The following ATP11A variants were observed in gnomAD, a reference collection of about 807,000 sequenced individuals.
The protein encoded by ATP11A is phospholipid-transporting ATPase IH.
A neutral mutation model predicts 154.4 loss-of-function variants in ATP11A; 81 were observed. That is an observed-to-expected ratio of 0.52 (90% CI 0.44 to 0.63). The LOEUF is 0.63. Ranked by LOEUF, ATP11A falls within the 30% of genes least tolerant of loss-of-function variation. The pLI is 0.00. For synonymous variants in ATP11A, 623 were observed against 585.9 expected (o/e 1.06, Z -0.91); for missense variants, 1,316 against 1,474.3 (o/e 0.89, Z 1.76).
intron 5 of ATP11A, chr13:112,811,474 A>G (rs571059645): frequency 6.6e-6 from 1 of 152,358 alleles, no homozygotes; most frequent in Admixed American, 6.5e-5. Context: ...GAAAGATTGG[A>G]AACACTGTTT....
Position 112,807,512 on chromosome 13 carries a change from G to T in ATP11A, c.333+1219G>T, listed in dbSNP as rs75260839. On this transcript the variant is annotated intron_variant, in intron 4 of 29. Coordinates refer to ENST00000375645, the MANE Select transcript of ATP11A (RefSeq NM_015205.3). The surrounding 1 kb of genome is among the most constrained non-coding windows in gnomAD (Gnocchi z 4.5). Reference sequence around the variant, plus strand: ...AGAACAGAACATGAGGGAGACTCACGCTTCCCAAGGACGCGCTGCCTGTGA... The same window carrying T: ...AGAACAGAACATGAGGGAGACTCACTCTTCCCAAGGACGCGCTGCCTGTGA... Among the ~76,000 whole-genome samples, 2 of 152,288 alleles carry T rather than the reference G, an allele frequency of 1.3e-5. No individual in the cohort carries two copies. Among genetic ancestry groups the T allele is most frequent in the East Asian group, 3.9e-4 (2 of 5,176 alleles).
rs898918005 is a variant in ATP11A at position 112,754,204 on chromosome 13, G to A, written c.40-30931G>A. Among the ~76,000 whole-genome samples the A allele has an allele frequency of 5.3e-5, 8 of 152,198 alleles. No individual in the cohort carries two copies. Among genetic ancestry groups the A allele is most frequent in the Non-Finnish European group, 8.8e-5 (6 of 68,034 alleles). On this transcript the variant is annotated intron_variant, in intron 1 of 29. Transcript: ENST00000375645. This position sits in a 1 kb window ranked among gnomAD's most constrained non-coding sequence, Gnocchi z 5.3. Reference sequence around the variant, plus strand: ...TGGGGTCTGGGAAATTCGTTTTCTCGCAGAAGGCAGAGAAGGCCGTGGAAT... The same window carrying A: ...TGGGGTCTGGGAAATTCGTTTTCTCACAGAAGGCAGAGAAGGCCGTGGAAT...
intron 15 of ATP11A, among the ~76,000 whole-genome samples, chr13:112,835,884 G>A (rs538436897): frequency 7.2e-5 from 11 of 152,356 alleles, no homozygotes; most frequent in Admixed American, 2.6e-4. Context: ...CGTAGGGAAC[G>A]CAGCCTGCTT....
intron 25 of ATP11A, among the ~76,000 whole-genome samples, chr13:112,864,716 A>G (rs2080258826): frequency 1.4e-5 from 1 of 68,978 alleles, no homozygotes; most frequent in Non-Finnish European, 2.4e-5. Context: ...GCAGTAATTC[A>G]GTGCAGCACG....
intron 2 of ATP11A, among the ~76,000 whole-genome samples, chr13:112,802,807 A>G (rs1426138310): frequency 6.6e-6 from 1 of 152,224 alleles, no homozygotes. Context: ...GCTTTGCAAA[A>G]TACAGTTAAG....
intron 29 of ATP11A, chr13:112,880,712 A>G: frequency 3.2e-6 from 4 of 1,241,292 alleles, no homozygotes; most frequent in Non-Finnish European, 3.1e-6. Flanking sequence ...TTTTCCTCCA[A>G]AGTTGTGCTG....
At chr13:112,865,489 T>C (rs572752683) in intron 25 of ATP11A, among the ~76,000 whole-genome samples, 5 of 152,260 alleles carry the variant, frequency 3.3e-5, no homozygotes, top group Non-Finnish European at 7.3e-5. Context: ...ACTTTAAAGA[T>C]CGCATTACCT....
intron 1 of ATP11A, among the ~76,000 whole-genome samples, chr13:112,701,406 C>T (rs1019112028): frequency 3.9e-5 from 6 of 152,180 alleles, no homozygotes; most frequent in Admixed American, 3.3e-4. Flanking sequence ...AATAATCTAC[C>T]TTTTGAAGGA....
chr13:112,858,431 C>G (rs1451030838), intron 22 of ATP11A, 141 bp downstream of exon 22: 1 of 864,824 alleles, frequency 1.2e-6, no homozygotes, highest in Non-Finnish European at 1.7e-6. Flanking sequence ...AGGGGTGAAT[C>G]TGATTGCAGT....
chr13:112,833,143 G>A (rs1373082741), intron 14 of ATP11A, 120 bp downstream of exon 14: 2 of 1,304,424 alleles, frequency 1.5e-6, no homozygotes, highest in Non-Finnish European at 2.1e-6. Flanking sequence ...TCCACACTGA[G>A]CTGTGCTGCC....
chr13:112,824,962 AG>A (rs2078894750), intron 10 of ATP11A, among the ~76,000 whole-genome samples: 1 of 152,178 alleles, frequency 6.6e-6, no homozygotes, highest in Admixed American at 6.5e-5. Flanking sequence ...TCCTGTACTG[AG>A]GACACTTCCT....
At position 112,754,088 on chromosome 13, in the gene ATP11A, C is replaced by T. The variant is rs777378099; in HGVS notation, c.40-31047C>T. 5.3e-5 allele frequency among the ~76,000 whole-genome samples: 8 copies of T among 152,126 alleles called. No individual in the cohort carries two copies. Among genetic ancestry groups the T allele is most frequent in the Non-Finnish European group, 8.8e-5 (6 of 68,016 alleles). ...AGTGTTTTGGGATTGAGGAGGGGTT[C>T]GGCTTCACTCTCTTCAGCGCCTGGG... On this transcript the variant is annotated intron_variant, in intron 1 of 29. Transcript: ENST00000375645. The surrounding 1 kb of genome is among the most constrained non-coding windows in gnomAD (Gnocchi z 5.3).
Position 112,806,226 on chromosome 13 carries a change from C to A in ATP11A, c.266C>A (p.Thr89Lys). 1.2e-6 allele frequency: 2 copies of A among 1,612,186 alleles called. No individual in the cohort carries two copies. Among genetic ancestry groups the A allele is most frequent in the Non-Finnish European group, 1.7e-6 (2 of 1,178,950 alleles). The change falls in exon 4 of 30, where the codon ACA (threonine) becomes AAA (lysine). Residue 89 changes from threonine (T) to lysine (K), a missense_variant. Physicochemically the swap from Thr to Lys is moderately conservative, Grantham distance 78 (BLOSUM62 -1). Transcript: ENST00000375645. ...CTCTTTCTGCAGTTGATTATTGATA[C>A]ACCCACAAGTCCAGTGACAAGCGGA... The part of the protein sequence containing the change: ...IIFLVQLIID[T>K]PTSPVTSGLP...
At chr13:112,776,923 C>G (rs1280530713) in intron 1 of ATP11A, among the ~76,000 whole-genome samples, 16 of 152,180 alleles carry the variant, frequency 1.1e-4, no homozygotes, top group Admixed American at 9.8e-4. Context: ...TGAGAGGCTT[C>G]AGCTCCTGGC....
intron 1 of ATP11A, among the ~76,000 whole-genome samples, chr13:112,720,002 T>C (rs1024817229): frequency 4.6e-5 from 7 of 152,270 alleles, no homozygotes; most frequent in Non-Finnish European, 1.0e-4. Context: ...GTATCTGTTG[T>C]AGCAATGAAA....
Position 112,875,774 on chromosome 13 carries a change from A to G in ATP11A, c.3162-2A>G, listed in dbSNP as rs768721302. The G allele has an allele frequency of 1.1e-5, 17 of 1,612,932 alleles. No homozygotes were observed. The highest frequency in any genetic ancestry group is 1.3e-5 in the Non-Finnish European group (15 of 1,179,332). On this transcript the variant is annotated splice_acceptor_variant, in intron 27 of 29. Coordinates refer to ENST00000375645, the MANE Select transcript of ATP11A (RefSeq NM_015205.3). LOFTEE classifies it high-confidence loss of function. The surrounding 1 kb of genome is among the most constrained non-coding windows in gnomAD (Gnocchi z 4.1). ...CAGCGGCTTCTCTTCCCTGCCCCTC[A>G]GGCCGTTCCTCAACTACCAGAGGAT... is the stretch of plus-strand genomic sequence containing the variant.
At position 112,862,535 on chromosome 13, in the gene ATP11A, A is replaced by G; in HGVS notation, c.2951A>G (p.Tyr984Cys). ...FDALVFFFGA[Y>C]FVFENTTVTS... ...GCACTGGTGTTCTTCTTTGGTGCTT[A>G]TTTCGTGTTTGAAAATACAACTGTG... The change falls in exon 25 of 30, where the codon TAT (tyrosine) becomes TGT (cysteine). Residue 984 changes from tyrosine (Y) to cysteine (C), a missense_variant. This residue lies in a region of ATP11A where 294 missense variants were observed against 290.2 expected (regional missense o/e 1.01). Coordinates refer to ENST00000375645, the MANE Select transcript of ATP11A (RefSeq NM_015205.3). 6.2e-7 allele frequency: 1 copy of G among 1,614,178 alleles called. No individual in the cohort carries two copies. Among genetic ancestry groups the G allele is most frequent in the South Asian group, 1.1e-5 (1 of 91,088 alleles).
rs944488411 is a variant in ATP11A, at chr13:112,754,571, C to A, written c.40-30564C>A. On this transcript the variant is annotated intron_variant, in intron 1 of 29. Transcript: ENST00000375645. This position sits in a 1 kb window ranked among gnomAD's most constrained non-coding sequence, Gnocchi z 5.3. ...TGCGGCTCCTGTGCTCCACGCTGCC[C>A]CCCCGAGAGGCAGAACTTTCTCAGG... The A allele has an allele frequency of 1.8e-4, 28 of 158,638 alleles. No homozygotes were observed. The highest frequency in any genetic ancestry group is 3.1e-4 in the Non-Finnish European group (22 of 71,476). 9.8% of individuals were successfully genotyped at this position (158,638 alleles called of 1,614,324 possible). A position where few individuals can be genotyped will look rare whatever the true frequency, so the allele number is the denominator to read the frequency against.
rs1462238757 is a variant in ATP11A, at chr13:112,697,599, A to G, written c.39+7144A>G. Among the ~76,000 whole-genome samples the G allele has an allele frequency of 1.3e-5, 2 of 152,054 alleles. No individual in the cohort carries two copies. Among genetic ancestry groups the G allele is most frequent in the Admixed American group, 6.6e-5 (1 of 15,266 alleles). Reference sequence around the variant, plus strand: ...TTTTTTATTTTTGAGACAGAGTCTCACTGTGTTGCTCAGGCTGGAGTGCAG... The same window carrying G: ...TTTTTTATTTTTGAGACAGAGTCTCGCTGTGTTGCTCAGGCTGGAGTGCAG... On this transcript the variant is annotated intron_variant, in intron 1 of 29. Coordinates refer to ENST00000375645, the MANE Select transcript of ATP11A (RefSeq NM_015205.3). The surrounding 1 kb of genome is among the most constrained non-coding windows in gnomAD (Gnocchi z 4.0).
Sources: allele counts gnomAD v4.1 joint callset (sites outside exome capture counted in the v4.1 genomes callset), GRCh38; gene constraint gnomAD v4.1.1; regional missense constraint gnomAD v4.1.1; non-coding constraint Gnocchi (gnomAD v3.1); transcripts MANE v1.5; gene names NCBI Gene and HGNC (gene_info 2026-07-23, HGNC 2026-07-21).